The following SRP72 variants were observed in gnomAD, a reference collection of about 807,000 sequenced individuals.
SRP72 encodes signal recognition particle subunit SRP72.
SRP72 carries 49 observed loss-of-function variants against 96.3 expected under a neutral mutation model. The observed-to-expected ratio is 0.51, with a 90% CI of 0.40 to 0.65. The LOEUF (loss-of-function observed/expected upper bound fraction) is 0.65. Ranked by LOEUF, SRP72 falls within the 30% of genes least tolerant of loss-of-function variation. The pLI, the probability that SRP72 is intolerant of heterozygous loss-of-function variation, is 0.00. For synonymous variants in SRP72, 267 were observed against 275.2 expected (o/e 0.97, Z 0.30); for missense variants, 736 against 793.3 (o/e 0.93, Z 0.87).
Position 56,489,407 on chromosome 4 carries a change from T to G in SRP72, c.1244T>G (p.Met415Arg), listed in dbSNP as rs1720829962. Residue 415 changes from methionine (M) to arginine (R), a missense_variant, in exon 13 of 19, where the codon ATG becomes AGG. Coordinates refer to ENST00000642900, the MANE Select transcript of SRP72 (RefSeq NM_006947.4). ...GTGTAGGTATCTGCATTAGTTACCA[T>G]GTATAGCCATGAAGAAGATATTGAT... is the stretch of plus-strand genomic sequence containing the variant. ...KPGMVSALVT[M>R]YSHEEDIDSA... 6.3e-7 allele frequency: 1 copy of G among 1,597,578 alleles called. No homozygotes were observed. The highest frequency in any genetic ancestry group is 8.6e-7 in the Non-Finnish European group (1 of 1,168,596).
At chr4:56,475,471 G>A (rs879351385) in intron 5 of SRP72, among the ~76,000 whole-genome samples, 31 of 151,418 alleles carry the variant, frequency 2.0e-4, no homozygotes, top group Admixed American at 3.9e-4. Context: ...TGAGGCAGCA[G>A]GGCCTAGGAG....
intron 17 of SRP72, among the ~76,000 whole-genome samples, chr4:56,499,473 C>T (rs1284437237): frequency 6.6e-6 from 1 of 152,054 alleles, no homozygotes; most frequent in African/African-American, 2.4e-5. Context: ...TTTTTGCAGT[C>T]CATCTGACAA....
At chr4:56,468,400 AG>A (rs1420063185) in intron 1 of SRP72, among the ~76,000 whole-genome samples, 1 of 152,146 alleles carries the variant, frequency 6.6e-6, no homozygotes, top group Admixed American at 6.5e-5. Context: ...TTGCCCTGTA[AG>A]GGATGATTTC....
chr4:56,500,384 A>G lies in SRP72; in HGVS notation c.1679-152A>G, dbSNP rs955026927. ...GTATAATAATTTAAAAAAAAAGACC[A>G]TTTCGCCTGCTAGATTATACAAACT... is the stretch of plus-strand genomic sequence containing the variant. On this transcript the variant is annotated intron_variant, in intron 17 of 18. Coordinates refer to ENST00000642900, the MANE Select transcript of SRP72 (RefSeq NM_006947.4). 3.5e-5 allele frequency: 28 copies of G among 806,580 alleles called. No individual in the cohort carries two copies. The African/African-American group carries it at 4.5e-4, about 13-fold the overall frequency. The allele number at this position is 806,580 out of a possible 1,614,324, so 50.0% of individuals were successfully genotyped here.
chr4:56,482,380 G>A (rs913688324), intron 8 of SRP72, among the ~76,000 whole-genome samples: 5 of 151,742 alleles, frequency 3.3e-5, no homozygotes, highest in African/African-American at 7.3e-5. Context: ...CCCGTGAGGC[G>A]GAGCTGGTAG....
rs369715670 is a variant in SRP72, at chr4:56,471,599, C to A, written c.231-121C>A. ...ATCTGATATTTAGACAAGTCTCTAA[C>A]CTTTGTCAGTTTTCTCATCTGTTAT... is the stretch of plus-strand genomic sequence containing the variant. On this transcript the variant is annotated intron_variant, in intron 2 of 18. Coordinates refer to ENST00000642900, the MANE Select transcript of SRP72 (RefSeq NM_006947.4). The A allele has an allele frequency of 6.9e-6, 8 of 1,158,026 alleles. No individual in the cohort carries two copies. In the South Asian group the frequency reaches 1.2e-4, roughly 18 times the overall value. 71.7% of individuals were successfully genotyped at this position (1,158,026 alleles called of 1,614,324 possible). A position where few individuals can be genotyped will look rare whatever the true frequency, so the allele number is the denominator to read the frequency against.
rs2110115794 is a variant in SRP72, at chr4:56,476,509, A to G, written c.611-162A>G. On this transcript the variant is annotated intron_variant, in intron 5 of 18. Coordinates refer to ENST00000642900, the MANE Select transcript of SRP72 (RefSeq NM_006947.4). ...CTGGGAAAGTCAAGAGACTGATAAT[A>G]TATATGTAGTATATTTGATGCTAAT... 5 of 694,678 alleles carry G rather than the reference A, an allele frequency of 7.2e-6. No individual in the cohort carries two copies. In the East Asian group the frequency reaches 8.3e-5, roughly 12 times the overall value. The allele number at this position is 694,678 out of a possible 1,614,324, so 43.0% of individuals were successfully genotyped here.
intron 9 of SRP72, among the ~76,000 whole-genome samples, chr4:56,484,099 T>C (rs995831125): frequency 7.1e-6 from 1 of 140,416 alleles, no homozygotes; most frequent in African/African-American, 2.7e-5. Flanking sequence ...AGTGGTGCCA[T>C]CTCGGCTCGC....
chr4:56,472,679 G>A (rs563474441), intron 3 of SRP72, among the ~76,000 whole-genome samples: 36 of 152,174 alleles, frequency 2.4e-4, no homozygotes, highest in African/African-American at 8.4e-4. Flanking sequence ...TCAATTTAGG[G>A]CAAATAATGT....
Position 56,489,438 on chromosome 4 carries a change from C to T in SRP72, c.1275C>T (p.Ala425=). The change falls in exon 13 of 19, where the codon GCC becomes GCT. Residue 425 remains alanine, a synonymous_variant. Transcript: ENST00000642900. ...GCCATGAAGAAGATATTGATAGTGCCATTGAGGTCTTCACACAAGCTATCC... is the reference window on the plus strand; with the variant it reads ...GCCATGAAGAAGATATTGATAGTGCTATTGAGGTCTTCACACAAGCTATCC... The part of the protein sequence containing the change: ...MYSHEEDIDS[A]IEVFTQAIQW... 6.2e-7 allele frequency: 1 copy of T among 1,601,910 alleles called. No individual in the cohort carries two copies. The highest frequency in any genetic ancestry group is 1.1e-5 in the South Asian group (1 of 89,696).
At chr4:56,468,148 G>A (rs1719822387) in intron 1 of SRP72, among the ~76,000 whole-genome samples, 2 of 152,198 alleles carry the variant, frequency 1.3e-5, no homozygotes, top group South Asian at 4.1e-4. Context: ...TATTGCTGAG[G>A]GAGCTTGTTC....
At chr4:56,477,009 G>A (rs1720251567) in intron 6 of SRP72, 1 of 264,998 alleles carries the variant, frequency 3.8e-6, no homozygotes, top group Non-Finnish European at 7.0e-6. Context: ...GGAGTTCCAT[G>A]TATATTTCTT....
intron 17 of SRP72, among the ~76,000 whole-genome samples, chr4:56,498,289 CTATT>C (rs1255019243): frequency 9.2e-5 from 14 of 151,958 alleles, no homozygotes; most frequent in African/African-American, 3.1e-4. Context: ...ATAATAATAA[CTATT>C]TATGACAAGC....
chr4:56,469,440 C>T (rs1487593415), intron 1 of SRP72, among the ~76,000 whole-genome samples: 1 of 152,132 alleles, frequency 6.6e-6, no homozygotes, highest in African/African-American at 2.4e-5. Context: ...ATCTATAACT[C>T]TCCTTATTGT....
chr4:56,487,165 A>G (rs774806087), intron 11 of SRP72, among the ~76,000 whole-genome samples: 3 of 152,182 alleles, frequency 2.0e-5, no homozygotes, highest in Non-Finnish European at 4.4e-5. Context: ...AATGGTGGTG[A>G]CAATTCTTCA....
chr4:56,482,395 C>T (rs963565715), intron 8 of SRP72, among the ~76,000 whole-genome samples: 2 of 151,640 alleles, frequency 1.3e-5, no homozygotes, highest in African/African-American at 4.8e-5. Flanking sequence ...TGGTAGTGAG[C>T]TGAGACTGTG....
At chr4:56,473,308 A>C (rs1364650622) in intron 3 of SRP72, among the ~76,000 whole-genome samples, 1 of 151,824 alleles carries the variant, frequency 6.6e-6, no homozygotes, top group Non-Finnish European at 1.5e-5. Context: ...AAAATACAAA[A>C]AATTAGCCAG....
At chr4:56,473,211 G>T (rs957134086) in intron 3 of SRP72, among the ~76,000 whole-genome samples, 1 of 151,972 alleles carries the variant, frequency 6.6e-6, no homozygotes, top group South Asian at 2.1e-4. Flanking sequence ...ATCACTTTTC[G>T]CACTTGGGGA....
chr4:56,469,280 C>T (rs1191741583), intron 1 of SRP72, among the ~76,000 whole-genome samples: 1 of 152,158 alleles, frequency 6.6e-6, no homozygotes, highest in Non-Finnish European at 1.5e-5. Context: ...CAAATTCTAC[C>T]TGAACTTTTT....
Sources: gnomAD v4.1 joint callset for allele counts (sites outside exome capture counted in the v4.1 genomes callset) on GRCh38, gnomAD v4.1.1 for gene constraint, MANE v1.5 for transcripts, NCBI Gene and HGNC (gene_info 2026-07-23, HGNC 2026-07-21) for gene names.